CPSF1: variants seen among roughly 807,000 people sequenced by gnomAD.
CPSF1 encodes cleavage and polyadenylation specific factor 1.
CPSF1 carries 106 observed loss-of-function variants against 175.8 expected under a neutral mutation model. That is an observed-to-expected ratio of 0.60 (90% CI 0.52 to 0.71). The LOEUF (loss-of-function observed/expected upper bound fraction) is 0.71, where lower values mean the gene tolerates loss of function less well. CPSF1 is among the 30% of genes least tolerant of loss of function. The probability of loss-of-function intolerance (pLI) is 0.00; values close to 1 mark genes in which losing one functional copy is unlikely to be tolerated. For synonymous variants in CPSF1, 1,024 were observed against 858.3 expected, an observed-to-expected ratio of 1.19 and a Z score of -3.37; for missense variants, 1,734 against 2,022.9, an observed-to-expected ratio of 0.86 and a Z score of 2.74.
intron 9 of CPSF1, 31 bp downstream of exon 9, chr8:144,400,135 G>GGGGGGGCCCCCCCCCCCCCCCCCC: frequency 1.3e-5 from 12 of 895,988 alleles, no homozygotes; most frequent in Non-Finnish European, 1.9e-5. Flanking sequence ...CCGTCCCCGG[G>GGGGGGGCCCCCCCCCCCCCCCCCC]CCCCCCCCGC....
In CPSF1 at chr8:144,396,364, A is replaced by C; in HGVS notation, c.2963T>G (p.Leu988Arg). The change falls in exon 26 of 38, where the codon CTG becomes CGG. Residue 988 changes from leucine (L) to arginine (R), a missense_variant. By Grantham distance (102) the Leu-to-Arg change is moderately radical. Around this residue, in one of 10 missense-constraint regions of CPSF1, gnomAD observed 585 missense variants for 584.7 expected, o/e 1.00. Coordinates refer to ENST00000616140, the MANE Select transcript of CPSF1 (RefSeq NM_013291.3). ...FHNVNCPRGF[L>R]YFNRQGELRI... The stretch of plus-strand genomic sequence containing the variant: ...GGGCCCCACCTGTCTGTTGAAGTAC[A>C]GGAAGCCGCGGGGACAGTTGACATT... The C allele has an allele frequency of 6.3e-7, 1 of 1,587,010 alleles. No individual in the cohort carries two copies. Among genetic ancestry groups the C allele is most frequent in the Non-Finnish European group, 8.5e-7 (1 of 1,169,780 alleles).
At chr8:144,400,135 G>GGGGGGGCCCCCCCCCCCCCCCC in intron 9 of CPSF1, 31 bp downstream of exon 9, 16 of 895,970 alleles carry the variant, frequency 1.8e-5, no homozygotes, top group Non-Finnish European at 2.1e-5. Flanking sequence ...CCGTCCCCGG[G>GGGGGGGCCCCCCCCCCCCCCCC]CCCCCCCCGC....
intron 27 of CPSF1, 25 bp downstream of exon 27, chr8:144,395,410 T>TGGTGG (rs782203796): frequency 6.3e-7 from 1 of 1,576,838 alleles, no homozygotes; most frequent in East Asian, 2.3e-5. Context: ...AGAAGGTCCC[T>TGGTGG]GGTGGGGTGG....
In CPSF1 at chr8:144,394,467, T is replaced by C. The variant is rs782138916; in HGVS notation, c.3656A>G (p.Lys1219Arg). 5 of 1,608,856 alleles carry C rather than the reference T, an allele frequency of 3.1e-6. No homozygotes were observed. Among genetic ancestry groups the C allele is most frequent in the Non-Finnish European group, 4.2e-6 (5 of 1,178,406 alleles). The part of the protein sequence containing the change: ...QLYIHQMISV[K>R]NFILAADVMK... The stretch of plus-strand genomic sequence containing the variant: ...GACGTCGGCTGCCAGGATGAAGTTC[T>C]TGACGCTGATCATCTGGTGTATGTA... The change falls in exon 32 of 38, where the codon AAG becomes AGG. Residue 1219 changes from lysine (K) to arginine (R), a missense_variant. By Grantham distance (26) the Lys-to-Arg change is conservative. Coordinates refer to ENST00000616140, the MANE Select transcript of CPSF1 (RefSeq NM_013291.3).
At chr8:144,393,615 AG>A (rs1265619997) in intron 36 of CPSF1, 25 bp from the exon 37 acceptor site, 6 of 1,593,882 alleles carry the variant, frequency 3.8e-6, no homozygotes, top group Non-Finnish European at 5.1e-6. Flanking sequence ...CACAGGTGTC[AG>A]GGCAGGCTGG....
In CPSF1 at chr8:144,399,962, G is replaced by A. The variant is rs2116868519; in HGVS notation, c.1031+30C>T. On this transcript the variant is annotated intron_variant, in intron 10 of 37. Coordinates refer to ENST00000616140, the MANE Select transcript of CPSF1 (RefSeq NM_013291.3). The surrounding 1 kb of genome is among the most constrained non-coding windows in gnomAD (Gnocchi z 6.4). ...ACAGGACTTGTGGGGGGCGGTGTGG[G>A]CAGAGTTCATGGGCGGGGGAGGGGC... is the stretch of plus-strand genomic sequence containing the variant. 1.3e-6 allele frequency: 2 copies of A among 1,595,392 alleles called. No individual in the cohort carries two copies. The highest frequency in any genetic ancestry group is 1.1e-5 in the South Asian group (1 of 89,862).
intron 2 of CPSF1, among the ~76,000 whole-genome samples, chr8:144,405,393 C>A (rs2116901682): frequency 0.98 from 149,755 of 152,262 alleles, 73,706 homozygotes; most frequent in Middle Eastern, 1. Flanking sequence ...AAGGCCAAGG[C>A]GGGTGGATCA....
At chr8:144,400,143 C>CCCCCA in intron 9 of CPSF1, 23 bp downstream of exon 9, 1 of 1,222,604 alleles carries the variant, frequency 8.2e-7, no homozygotes, top group Non-Finnish European at 1.1e-6. Flanking sequence ...GGGCCCCCCC[C>CCCCCA]GCCCCAGCCA....
intron 35 of CPSF1, 21 bp from the exon 36 acceptor site, chr8:144,393,817 G>A (rs782803872): frequency 4.4e-6 from 7 of 1,600,922 alleles, no homozygotes; most frequent in African/African-American, 4.0e-5. Context: ...TAGGGTGAGG[G>A]TTTTGGTGTG....
Position 144,398,103 on chromosome 8 carries a change from G to C in CPSF1, c.1924C>G (p.Leu642Val), listed in dbSNP as rs1820893735. 6.2e-7 allele frequency: 1 copy of C among 1,603,202 alleles called. No homozygotes were observed. The highest frequency in any genetic ancestry group is 1.7e-5 in the Admixed American group (1 of 59,140). ...GCGCACTGCACGATGGGGGCGCCCA[G>C]GTCCACGGGGATGAAGTGCAGCTGA... ...VNQLHFIPVD[L>V]GAPIVQCAVA... The change falls in exon 20 of 38, where the codon CTG becomes GTG. Residue 642 changes from leucine (L) to valine (V), a missense_variant. Physicochemically the swap from Leu to Val is conservative, Grantham distance 32. Coordinates refer to ENST00000616140, the MANE Select transcript of CPSF1 (RefSeq NM_013291.3).
rs2116867178 is a variant in CPSF1, at chr8:144,399,868, G to A, written c.1032C>T (p.Ile344=). The A allele has an allele frequency of 1.3e-6, 2 of 1,555,046 alleles. No homozygotes were observed. The highest frequency in any genetic ancestry group is 2.4e-5 in the East Asian group (1 of 41,240). ...KMVISLKGGE[I]YVLTLITDGM... The stretch of plus-strand genomic sequence containing the variant: ...CGTCGGTGATGAGGGTCAGCACGTA[G>A]CTGGGGGCAGGGAGAATTCTGAGTC... The change falls in exon 11 of 38, where the codon ATC becomes ATT. Residue 344 remains isoleucine (I), a splice_region_variant and synonymous_variant. Coordinates refer to ENST00000616140, the MANE Select transcript of CPSF1 (RefSeq NM_013291.3). The surrounding 1 kb of genome is among the most constrained non-coding windows in gnomAD (Gnocchi z 6.4).
chr8:144,406,970 G>A (rs1821531529), intron 2 of CPSF1, among the ~76,000 whole-genome samples: 1 of 152,086 alleles, frequency 6.6e-6, no homozygotes, highest in African/African-American at 2.4e-5. Context: ...CCAGGCTGGA[G>A]TGGAGTGCAA....
In CPSF1 at chr8:144,393,252, TTG is replaced by T; in HGVS notation, c.*64_*65del. Reference sequence around the variant, plus strand: ...CCTCTCAAGCAAAAAATGTTTTTCCTTGTGTTTTGTACAAAAAGGGGGTGGGA... The same window carrying T: ...CCTCTCAAGCAAAAAATGTTTTTCCTTGTTTTGTACAAAAAGGGGGTGGGA... On this transcript the variant is annotated 3_prime_UTR_variant, in exon 38 of 38. Transcript: ENST00000616140. 2 of 1,430,986 alleles carry T rather than the reference TTG, an allele frequency of 1.4e-6. No individual in the cohort carries two copies. The allele number at this position is 1,430,986 out of a possible 1,614,324, so 88.6% of individuals were successfully genotyped here. A position where few individuals can be genotyped will look rare whatever the true frequency, so the allele number is the denominator to read the frequency against.
At chr8:144,393,417 G>A in intron 37 of CPSF1, 35 bp downstream of exon 37, 3 of 1,520,796 alleles carry the variant, frequency 2.0e-6, no homozygotes, top group South Asian at 1.2e-5. Flanking sequence ...GCACACGGAG[G>A]GGCGGGGCGC....
In CPSF1 at chr8:144,397,302, G is replaced by A. The variant is rs1554864281; in HGVS notation, c.2497C>T (p.Arg833Cys). 5 of 1,551,542 alleles carry A rather than the reference G, an allele frequency of 3.2e-6. No individual in the cohort carries two copies. The highest frequency in any genetic ancestry group is 2.6e-6 in the Non-Finnish European group (3 of 1,148,020). Residue 833 changes from arginine to cysteine, a missense_variant, in exon 23 of 38, where the codon CGC becomes TGC. Physicochemically the swap from Arg to Cys is radical, Grantham distance 180. Around this residue, in one of 10 missense-constraint regions of CPSF1, gnomAD observed 585 missense variants for 584.7 expected, o/e 1.00. Coordinates refer to ENST00000616140, the MANE Select transcript of CPSF1 (RefSeq NM_013291.3). ...CCCTGGCGCGTGGCCTCCTCCCTGC[G>A]GGCCTCGCCCTGTGTAGTGGGCTGT... ...FGQPTTQGEA[R>C]REEATRQGEL...
At chr8:144,408,064 G>A (rs1821590127) in intron 2 of CPSF1, among the ~76,000 whole-genome samples, 1 of 152,184 alleles carries the variant, frequency 6.6e-6, no homozygotes, top group South Asian at 2.1e-4. Context: ...CGGGGTAGGT[G>A]CCCAGGAGGG....
At position 144,393,531 on chromosome 8, in the gene CPSF1, T is replaced by G; in HGVS notation, c.4205A>C (p.Glu1402Ala). Reference protein sequence around the residue: ...QNAVRNVLDGELLNRYLYLST... With the variant: ...QNAVRNVLDGALLNRYLYLST... ...CAGGTACAGGTAGCGGTTGAGCAGC[T>G]CCCCATCCAGCACGTTGCGCACGGC... Residue 1402 changes from glutamate to alanine, a missense_variant, in exon 37 of 38, where the codon GAG becomes GCG. Physicochemically the swap from Glu to Ala is moderately radical, Grantham distance 107. Transcript: ENST00000616140. 6.3e-7 allele frequency: 1 copy of G among 1,598,084 alleles called. No homozygotes were observed. Among genetic ancestry groups the G allele is most frequent in the Non-Finnish European group, 8.5e-7 (1 of 1,174,422 alleles).
At chr8:144,402,285 G>A (rs1488344177) in intron 2 of CPSF1, among the ~76,000 whole-genome samples, 1 of 152,072 alleles carries the variant, frequency 6.6e-6, no homozygotes, top group Non-Finnish European at 1.5e-5. Flanking sequence ...GGGAAAAGTG[G>A]TTTTTGTTTT....
Position 144,395,266 on chromosome 8 carries a change from T to A in CPSF1, c.3186A>T (p.Arg1062Ser). The change falls in exon 28 of 38, where the codon AGA (arginine) becomes AGT (serine). Residue 1062 changes from arginine (R) to serine (S), a missense_variant and splice_region_variant. Physicochemically the swap from Arg to Ser is moderately radical, Grantham distance 110. Transcript: ENST00000616140. ...GEEKEFETIE[R>S]DERYIHPQQE... ...GGAGTATGGTGTGGGCGTCACCACC[T>A]CTCTCGATGGTCTCAAACTCCTTCT... The A allele has an allele frequency of 6.2e-7, 1 of 1,612,858 alleles. No individual in the cohort carries two copies. Among genetic ancestry groups the A allele is most frequent in the Non-Finnish European group, 8.5e-7 (1 of 1,179,872 alleles).
Sources: gnomAD v4.1 joint callset for allele counts (sites outside exome capture counted in the v4.1 genomes callset) on GRCh38, gnomAD v4.1.1 for gene constraint, gnomAD v4.1.1 regional missense constraint, Gnocchi (gnomAD v3.1) non-coding constraint, MANE v1.5 for transcripts, NCBI Gene and HGNC (gene_info 2026-07-23, HGNC 2026-07-21) for gene names.